TOMM40: variants seen among roughly 807,000 people sequenced by gnomAD.
The protein encoded by TOMM40 is translocase of outer mitochondrial membrane 40.
A neutral mutation model predicts 38.4 loss-of-function variants in TOMM40; 9 were observed. That is an observed-to-expected ratio of 0.23 (90% confidence interval 0.14 to 0.41). TOMM40 has a LOEUF of 0.41. Ranked by LOEUF, TOMM40 falls within the 10% of genes least tolerant of loss-of-function variation. The pLI is 1.00. For missense variants in TOMM40, 299 were observed against 486.5 expected, an observed-to-expected ratio of 0.61 and a Z score of 3.63; for synonymous variants, 184 against 210.0, an observed-to-expected ratio of 0.88 and a Z score of 1.07.
chr19:44,897,331 GTCAC>G (rs2122761572), intron 5 of TOMM40, among the ~76,000 whole-genome samples: 1 of 152,260 alleles, frequency 6.6e-6, no homozygotes, highest in South Asian at 2.1e-4. Context: ...GAGATTCTAA[GTCAC>G]TCACTCTAGA....
intron 5 of TOMM40, 54 bp downstream of exon 5, chr19:44,894,120 C>CA: frequency 7.4e-7 from 1 of 1,354,058 alleles, no homozygotes; most frequent in East Asian, 2.5e-5. Context: ...CTGGCTTTGC[C>CA]AGCAAATCCA....
rs558704054 is a variant in TOMM40 at position 44,893,934 on chromosome 19, C to T, written c.538-27C>T. 1.1e-5 allele frequency: 17 copies of T among 1,597,652 alleles called. No individual in the cohort carries two copies. In the East Asian group the frequency reaches 1.6e-4, roughly 15 times the overall value. On this transcript the variant is annotated intron_variant, in intron 4 of 8. Coordinates refer to ENST00000426677, the MANE Select transcript of TOMM40 (RefSeq NM_001128917.2). ...CCCTCGGCCACCGTGAGCAGGGAGC[C>T]GCCCTCACACCCCCTCCTCTCCACA...
intron 5 of TOMM40, among the ~76,000 whole-genome samples, chr19:44,899,220 C>T (rs34878901): frequency 0.42 from 63,001 of 151,748 alleles, 13,354 homozygotes; most frequent in African/African-American, 0.44. Flanking sequence ...GATCATAGCT[C>T]AGTGTAACCT....
rs1969673162 is a variant in TOMM40, at chr19:44,901,122, C to A, written c.843+18C>A. On this transcript the variant is annotated intron_variant, in intron 7 of 8. Transcript: ENST00000426677. ...GTGACCAGGTGAGTGGGTGCAGGGACTAGCTGGTGCTGCCAGGGGCTGCTG... is the reference window on the plus strand; with the variant it reads ...GTGACCAGGTGAGTGGGTGCAGGGAATAGCTGGTGCTGCCAGGGGCTGCTG... 1 of 1,614,088 alleles carries A rather than the reference C, an allele frequency of 6.2e-7. No individual in the cohort carries two copies. Among genetic ancestry groups the A allele is most frequent in the South Asian group, 1.1e-5 (1 of 91,096 alleles).
rs544092515 is a variant in TOMM40, at chr19:44,899,302, A to G, written c.644-1428A>G. ...GCTGGGACTATAAGCATGTGCCATC[A>G]TGCCTGGCTACGTTTTTAAATTTAT... is the stretch of plus-strand genomic sequence containing the variant. On this transcript the variant is annotated intron_variant, in intron 5 of 8. Transcript: ENST00000426677. 5.9e-4 allele frequency among the ~76,000 whole-genome samples: 89 copies of G among 151,838 alleles called. No individual in the cohort carries two copies. In the Middle Eastern group the frequency reaches 0.034, roughly 58 times the overall value.
chr19:44,901,235 A>C lies in TOMM40; in HGVS notation c.871A>C (p.Ser291Arg). The C allele has an allele frequency of 6.2e-7, 1 of 1,614,142 alleles. No homozygotes were observed. The highest frequency in any genetic ancestry group is 8.5e-7 in the Non-Finnish European group (1 of 1,180,002). ...QLQVGVEFEA[S>R]TRMQDTSVSF... ...GCAGGTGGGTGTGGAGTTTGAGGCCAGCACAAGGATGCAGGACACCAGCGT... is the reference window on the plus strand; with the variant it reads ...GCAGGTGGGTGTGGAGTTTGAGGCCCGCACAAGGATGCAGGACACCAGCGT... Residue 291 changes from serine (S) to arginine (R), a missense_variant, in exon 8 of 9, where the codon AGC (serine) becomes CGC (arginine). By Grantham distance (110) the Ser-to-Arg change is moderately radical. Transcript: ENST00000426677.
At chr19:44,894,842 G>C (rs1435288398) in intron 5 of TOMM40, among the ~76,000 whole-genome samples, 1 of 152,212 alleles carries the variant, frequency 6.6e-6, no homozygotes, top group Non-Finnish European at 1.5e-5. Context: ...TTCGCTCTGA[G>C]TGAGTCTGGG....
chr19:44,894,730 G>A (rs139329858), intron 5 of TOMM40, among the ~76,000 whole-genome samples: 1 of 152,266 alleles, frequency 6.6e-6, no homozygotes, highest in Non-Finnish European at 1.5e-5. Context: ...GCCTGGCCAG[G>A]GAAACAGCTT....
intron 8 of TOMM40, chr19:44,902,801 G>T (rs987059655): frequency 4.0e-6 from 2 of 502,614 alleles, no homozygotes; most frequent in African/African-American, 2.0e-5. Flanking sequence ...GAACCCAGGG[G>T]TCTAGAGGGC....
intron 1 of TOMM40, 84 bp downstream of exon 1, chr19:44,891,773 C>T: frequency 7.7e-7 from 1 of 1,292,616 alleles, no homozygotes; most frequent in Non-Finnish European, 9.9e-7. Flanking sequence ...TGGGATTTGG[C>T]GCGCACCATT....
chr19:44,901,351 G>T, intron 8 of TOMM40, 41 bp downstream of exon 8: 1 of 1,589,352 alleles, frequency 6.3e-7, no homozygotes, highest in Non-Finnish European at 8.6e-7. Flanking sequence ...CAGGCAGGAG[G>T]TGACTCAACT....
At chr19:44,893,913 C>T (rs771620142) in intron 4 of TOMM40, 32 bp downstream of exon 4, 174 of 1,608,242 alleles carry the variant, frequency 1.1e-4, no homozygotes, top group Non-Finnish European at 1.4e-4. Context: ...CTGCTCCCCT[C>T]GGCCACCGTG....
chr19:44,902,706 G>A (rs113591480), intron 8 of TOMM40: 1 of 225,400 alleles, frequency 4.4e-6, no homozygotes, highest in East Asian at 1.0e-4. Flanking sequence ...GCACTGCTGG[G>A]GCCACAGCGG....
intron 2 of TOMM40, among the ~76,000 whole-genome samples, 187 bp downstream of exon 2, chr19:44,892,647 C>G (rs1969489256): frequency 6.6e-6 from 1 of 152,192 alleles, no homozygotes; most frequent in Admixed American, 6.6e-5. Flanking sequence ...ACTGTCTCCC[C>G]ATAGCAGCTA....
At chr19:44,892,773 C>CT in intron 2 of TOMM40, 64 bp from the exon 3 acceptor site, 1 of 1,377,236 alleles carries the variant, frequency 7.3e-7, no homozygotes, top group Non-Finnish European at 1.0e-6. Flanking sequence ...AGACCTTGTC[C>CT]TTGCCCTCTT....
At chr19:44,900,169 A>T (rs1488611635) in intron 5 of TOMM40, among the ~76,000 whole-genome samples, 1 of 152,190 alleles carries the variant, frequency 6.6e-6, no homozygotes, top group African/African-American at 2.4e-5. Flanking sequence ...CTTGGACCTC[A>T]GTGCAGCAAG....
Position 44,892,421 on chromosome 19 carries a change from C to T in TOMM40, c.303C>T (p.Val101=). 1 of 1,613,452 alleles carries T rather than the reference C, an allele frequency of 6.2e-7. No individual in the cohort carries two copies. Among genetic ancestry groups the T allele is most frequent in the South Asian group, 1.1e-5 (1 of 91,054 alleles). ...KELFPIQMEG[V]KLTVNKGLSN... is the part of the protein sequence containing the mutation. ...TGTTTCCCATTCAGATGGAGGGTGT[C>T]AAGCTCACAGTCAACAAAGGGTTGA... is the stretch of plus-strand genomic sequence containing the variant. The change falls in exon 2 of 9, where the codon GTC becomes GTT. Residue 101 remains valine (V), a synonymous_variant. Coordinates refer to ENST00000426677, the MANE Select transcript of TOMM40 (RefSeq NM_001128917.2).
At position 44,892,917 on chromosome 19, in the gene TOMM40, G is replaced by T; in HGVS notation, c.423G>T (p.Leu141=). 6.2e-7 allele frequency: 1 copy of T among 1,613,262 alleles called. No individual in the cohort carries two copies. The highest frequency in any genetic ancestry group is 1.1e-5 in the South Asian group (1 of 90,954). The stretch of plus-strand genomic sequence containing the variant: ...TCACATATGTGGGGACAAAGCAGCT[G>T]AGTCCCACAGAGGTGAGCTTCCTTT... ...FGVTYVGTKQ[L]SPTEAFPVLV... Residue 141 remains leucine, a synonymous_variant, in exon 3 of 9, where the codon CTG becomes CTT. Transcript: ENST00000426677.
At position 44,903,285 on chromosome 19, in the gene TOMM40, G is replaced by GT. The variant is rs1325067985; in HGVS notation, c.*116_*117insT. On this transcript the variant is annotated 3_prime_UTR_variant, in exon 9 of 9. Transcript: ENST00000426677. Reference sequence around the variant, plus strand: ...CTTCCCTCCCCCCTTGGGGGTCGGGGGGGACATTGGAAAGGAGGGACCCCG... The same window carrying GT: ...CTTCCCTCCCCCCTTGGGGGTCGGGGTGGGACATTGGAAAGGAGGGACCCCG... The GT allele has an allele frequency of 6.8e-6, 8 of 1,172,716 alleles. No homozygotes were observed. Among genetic ancestry groups the GT allele is most frequent in the Non-Finnish European group, 9.3e-6 (8 of 856,972 alleles). 72.6% of individuals were successfully genotyped at this position (1,172,716 alleles called of 1,614,324 possible). A position where few individuals can be genotyped will look rare whatever the true frequency, so the allele number is the denominator to read the frequency against.
Sources: allele counts gnomAD v4.1 joint callset (sites outside exome capture counted in the v4.1 genomes callset), GRCh38; gene constraint gnomAD v4.1.1; transcripts MANE v1.5; gene names NCBI Gene and HGNC (gene_info 2026-07-23, HGNC 2026-07-21).